The following MACROD1 variants were observed in gnomAD, a reference collection of about 807,000 sequenced individuals.
MACROD1 encodes mono-ADP ribosylhydrolase 1.
A neutral mutation model predicts 41.4 loss-of-function variants in MACROD1; 31 were observed. The ratio of observed to expected loss-of-function variants is 0.75; its 90% confidence interval spans 0.56 to 1.01. The LOEUF (loss-of-function observed/expected upper bound fraction) is 1.01, where lower values mean the gene tolerates loss of function less well. Among genes scored for constraint, MACROD1 ranks in the 50% least tolerant of loss-of-function variants. MACROD1 has a pLI of 0.00. For missense variants in MACROD1, 473 were observed against 460.0 expected (o/e 1.03, Z -0.26); for synonymous variants, 252 against 203.4 (o/e 1.24, Z -2.03).
chr11:64,069,382 C>T (rs1265404418), intron 3 of MACROD1, among the ~76,000 whole-genome samples: 1 of 152,220 alleles, frequency 6.6e-6, no homozygotes, highest in Non-Finnish European at 1.5e-5. Context: ...TGGCCCAAAG[C>T]CCCAGGAGCC....
intron 3 of MACROD1, among the ~76,000 whole-genome samples, chr11:64,081,231 AG>A (rs1241243143): frequency 1.3e-5 from 2 of 152,212 alleles, no homozygotes; most frequent in Non-Finnish European, 2.9e-5. Context: ...CATATTGGCC[AG>A]GCTGGTCTTG....
chr11:64,104,961 G>T (rs1944733094), intron 3 of MACROD1, among the ~76,000 whole-genome samples: 1 of 152,240 alleles, frequency 6.6e-6, no homozygotes, highest in Admixed American at 6.5e-5. Flanking sequence ...GGACAGGGAA[G>T]CCCCAATTCA....
rs11600062 is a variant in MACROD1 at position 63,999,777 on chromosome 11, C to T, written c.665-14G>A. On this transcript the variant is annotated splice_polypyrimidine_tract_variant and intron_variant, in intron 5 of 10. Coordinates refer to ENST00000255681, the MANE Select transcript of MACROD1 (RefSeq NM_014067.4). The stretch of plus-strand genomic sequence containing the variant: ...TGTGGATGACGTCTACGGGGGGCGA[C>T]GGGGTCAGACCGGCGGGGGTCTACG... The T allele has an allele frequency of 0.36, 582,245 of 1,599,538 alleles. 114,804 individuals are homozygous for T. Among genetic ancestry groups the T allele is most frequent in the Non-Finnish European group, 0.4 (473,273 of 1,176,842 alleles).
chr11:64,076,153 G>A (rs1045226388), intron 3 of MACROD1, among the ~76,000 whole-genome samples: 5 of 152,134 alleles, frequency 3.3e-5, no homozygotes, highest in South Asian at 2.1e-4. Flanking sequence ...TGACCCCAGC[G>A]ACCTTCCCAG....
At position 64,139,784 on chromosome 11, in the gene MACROD1, G is replaced by A. The variant is rs1312751377; in HGVS notation, c.517+11455C>T. On this transcript the variant is annotated intron_variant, in intron 3 of 10. Transcript: ENST00000255681. ...ATCCTGGCTAACACGGTGAAACCCC[G>A]TATCTACTAAAAATACAAAAAATTA... Among the ~76,000 whole-genome samples, 11 of 152,064 alleles carry A rather than the reference G, an allele frequency of 7.2e-5. No individual in the cohort carries two copies. In the South Asian group the frequency reaches 1.7e-3, roughly 23 times the overall value.
intron 3 of MACROD1, among the ~76,000 whole-genome samples, chr11:64,046,280 A>C (rs908053106): frequency 6.6e-6 from 1 of 152,212 alleles, no homozygotes; most frequent in Non-Finnish European, 1.5e-5. Context: ...CACCTCCTGC[A>C]GAACCTTCTA....
chr11:64,121,659 A>G (rs1565246202), intron 3 of MACROD1, among the ~76,000 whole-genome samples: 1 of 152,208 alleles, frequency 6.6e-6, no homozygotes, highest in Non-Finnish European at 1.5e-5. Context: ...CACCTCAGAC[A>G]TGCGTGAGGA....
chr11:64,089,744 C>A (rs572087408), intron 3 of MACROD1, among the ~76,000 whole-genome samples: 1 of 152,106 alleles, frequency 6.6e-6, no homozygotes, highest in Admixed American at 6.5e-5. Flanking sequence ...ACAGTGCCAT[C>A]GGGGAAGCTG....
At chr11:64,116,247 G>A (rs368412412) in intron 3 of MACROD1, 58 of 1,582,584 alleles carry the variant, frequency 3.7e-5, no homozygotes, top group Admixed American at 1.7e-4. Context: ...AGGTGGGGCC[G>A]GACGCCCCCA....
intron 3 of MACROD1, among the ~76,000 whole-genome samples, chr11:64,046,586 T>A (rs1485295073): frequency 6.6e-6 from 1 of 152,164 alleles, no homozygotes; most frequent in Non-Finnish European, 1.5e-5. Flanking sequence ...AGTTTTGTTC[T>A]CGTCGCTCAG....
intron 3 of MACROD1, among the ~76,000 whole-genome samples, chr11:64,150,108 A>T (rs1945552330): frequency 6.6e-6 from 1 of 152,248 alleles, no homozygotes; most frequent in Non-Finnish European, 1.5e-5. Context: ...CTTTGCAGTC[A>T]ACAGTGGGAA....
chr11:64,153,428 G>C (rs1318786923), intron 1 of MACROD1, among the ~76,000 whole-genome samples: 1 of 152,058 alleles, frequency 6.6e-6, no homozygotes, highest in Non-Finnish European at 1.5e-5. Context: ...AGAAAGGAAG[G>C]ACTGCAGCCT....
At position 64,096,920 on chromosome 11, in the gene MACROD1, G is replaced by T. The variant is rs1944586907; in HGVS notation, c.517+54319C>A. 6.6e-6 allele frequency among the ~76,000 whole-genome samples: 1 copy of T among 152,244 alleles called. No individual in the cohort carries two copies. Among genetic ancestry groups the T allele is most frequent in the Non-Finnish European group, 1.5e-5 (1 of 68,046 alleles). Reference sequence around the variant, plus strand: ...GTCCCTCCGTGAGCTGGGTGCGAGTGGCCCTTGCTGGTCCCCCGCTCACCC... The same window carrying T: ...GTCCCTCCGTGAGCTGGGTGCGAGTTGCCCTTGCTGGTCCCCCGCTCACCC... On this transcript the variant is annotated intron_variant, in intron 3 of 10. Transcript: ENST00000255681. This position sits in a 1 kb window ranked among gnomAD's most constrained non-coding sequence, Gnocchi z 4.6.
At chr11:64,149,070 G>T (rs1945536759) in intron 3 of MACROD1, 1 of 976,026 alleles carries the variant, frequency 1.0e-6, no homozygotes, top group Non-Finnish European at 1.2e-6. Flanking sequence ...CACACCAAGA[G>T]GTGTATGGGT....
intron 3 of MACROD1, chr11:64,116,741 G>A (rs1944989960): frequency 6.2e-7 from 1 of 1,613,574 alleles, no homozygotes; most frequent in Non-Finnish European, 8.5e-7. Flanking sequence ...AGCTGCACCT[G>A]GATGACAACT....
At position 64,122,879 on chromosome 11, in the gene MACROD1, C is replaced by A. The variant is rs949152254; in HGVS notation, c.517+28360G>T. On this transcript the variant is annotated intron_variant, in intron 3 of 10. Transcript: ENST00000255681. The surrounding 1 kb of genome is among the most constrained non-coding windows in gnomAD (Gnocchi z 4.0). The stretch of plus-strand genomic sequence containing the variant: ...TCGGAACCTGTGCCTCCCTCCTTCA[C>A]CTCCGGCCCTGGAGCCAAGGAGCCA... 6.6e-6 allele frequency among the ~76,000 whole-genome samples: 1 copy of A among 152,220 alleles called. No homozygotes were observed. Among genetic ancestry groups the A allele is most frequent in the Admixed American group, 6.5e-5 (1 of 15,286 alleles).
chr11:64,127,783 T>G (rs1405475324), intron 3 of MACROD1, among the ~76,000 whole-genome samples: 1 of 151,978 alleles, frequency 6.6e-6, no homozygotes, highest in Non-Finnish European at 1.5e-5. Flanking sequence ...ACTGTCCGGG[T>G]GTTTGGGGAC....
chr11:64,044,438 A>G (rs1943546730), intron 3 of MACROD1, among the ~76,000 whole-genome samples: 1 of 152,074 alleles, frequency 6.6e-6, no homozygotes, highest in African/African-American at 2.4e-5. Flanking sequence ...TGGCAGAGAC[A>G]GGGTTTCCTT....
At chr11:64,065,537 C>T (rs538185462) in intron 3 of MACROD1, among the ~76,000 whole-genome samples, 2 of 152,090 alleles carry the variant, frequency 1.3e-5, no homozygotes, top group Non-Finnish European at 2.9e-5. Flanking sequence ...TGCCTGTAAT[C>T]CCAGCACTTT....
Sources: allele counts gnomAD v4.1 joint callset (sites outside exome capture counted in the v4.1 genomes callset), GRCh38; gene constraint gnomAD v4.1.1; non-coding constraint Gnocchi (gnomAD v3.1); transcripts MANE v1.5; gene names NCBI Gene and HGNC (gene_info 2026-07-23, HGNC 2026-07-21).